RALGPS2: variants seen among roughly 807,000 people sequenced by gnomAD.
RALGPS2 encodes ras-specific guanine nucleotide-releasing factor RalGPS2.
RALGPS2 carries 43 observed loss-of-function variants against 86.8 expected under a neutral mutation model. The observed-to-expected ratio is 0.50, with a 90% CI of 0.39 to 0.64. The LOEUF (loss-of-function observed/expected upper bound fraction) is 0.64. RALGPS2 is among the 30% of genes least tolerant of loss of function. The pLI is 0.00. For missense variants in RALGPS2, 536 were observed against 694.6 expected (o/e 0.77, Z 2.57); for synonymous variants, 243 against 231.3 (o/e 1.05, Z -0.46).
intron 6 of RALGPS2, among the ~76,000 whole-genome samples, chr1:178,815,811 G>A (rs1655198401): frequency 6.6e-6 from 1 of 152,158 alleles, no homozygotes; most frequent in African/African-American, 2.4e-5. Context: ...TATAGATGAA[G>A]GCTGTTCTGG....
At chr1:178,789,733 G>T (rs1041665342) in intron 4 of RALGPS2, among the ~76,000 whole-genome samples, 1 of 152,150 alleles carries the variant, frequency 6.6e-6, no homozygotes, top group Non-Finnish European at 1.5e-5. Context: ...GTGAATACAG[G>T]TACTTGATTT....
At chr1:178,795,444 ACTCTGTTGCCC>A (rs1654145246) in intron 4 of RALGPS2, among the ~76,000 whole-genome samples, 1 of 151,992 alleles carries the variant, frequency 6.6e-6, no homozygotes, top group Admixed American at 6.6e-5. Flanking sequence ...ACAAAGTCTT[ACTCTGTTGCCC>A]AGGCTAGAGT....
At chr1:178,900,546 C>G (rs1336346112) in intron 17 of RALGPS2, among the ~76,000 whole-genome samples, 2 of 151,930 alleles carry the variant, frequency 1.3e-5, no homozygotes, top group Admixed American at 1.3e-4. Context: ...ATCTGAGAAT[C>G]TGTCCTACTG....
intron 6 of RALGPS2, among the ~76,000 whole-genome samples, chr1:178,812,123 T>A (rs192299261): frequency 1.1e-4 from 17 of 152,140 alleles, no homozygotes; most frequent in Non-Finnish European, 7.4e-5. Flanking sequence ...ATAGGAGTCA[T>A]ACAAAGTATA....
At chr1:178,727,581 G>A (rs973291999) in intron 1 of RALGPS2, among the ~76,000 whole-genome samples, 4 of 152,138 alleles carry the variant, frequency 2.6e-5, no homozygotes, top group African/African-American at 9.7e-5. Context: ...TGAAAAACTG[G>A]CTTTGTGAGT....
chr1:178,903,075 T>C (rs773067868), intron 18 of RALGPS2, among the ~76,000 whole-genome samples: 214 of 152,272 alleles, frequency 1.4e-3, no homozygotes, highest in Non-Finnish European at 2.9e-3. Flanking sequence ...TGGTTGCTTT[T>C]CTTCCATCAT....
chr1:178,891,143 C>A (rs574926795), intron 14 of RALGPS2, among the ~76,000 whole-genome samples: 2 of 152,054 alleles, frequency 1.3e-5, no homozygotes, highest in African/African-American at 4.8e-5. Context: ...GTTACCTTCA[C>A]GTCTCAAAAC....
At chr1:178,757,388 C>T (rs1380086978) in intron 1 of RALGPS2, among the ~76,000 whole-genome samples, 1 of 152,096 alleles carries the variant, frequency 6.6e-6, no homozygotes, top group Non-Finnish European at 1.5e-5. Context: ...AAGGGGAATA[C>T]TCTTAGCTTT....
chr1:178,728,600 A>G (rs1040653637), intron 1 of RALGPS2, among the ~76,000 whole-genome samples: 4 of 152,136 alleles, frequency 2.6e-5, no homozygotes, highest in Non-Finnish European at 4.4e-5. Context: ...TTTCAATGAA[A>G]GATAATTCAA....
chr1:178,725,470 T>A (rs929853662), intron 1 of RALGPS2, 51 bp downstream of exon 1: 1 of 18,060 alleles, frequency 5.5e-5, no homozygotes, highest in Non-Finnish European at 1.1e-4. Context: ...GGAGGGAGGG[T>A]GGGTACGCGG....
chr1:178,783,319 T>C (rs1653485000), intron 2 of RALGPS2, among the ~76,000 whole-genome samples: 1 of 150,046 alleles, frequency 6.7e-6, no homozygotes, highest in Non-Finnish European at 1.5e-5. Flanking sequence ...CAAACTGAAA[T>C]GCAAAGAGAA....
chr1:178,800,949 A>G (rs1434273581), intron 4 of RALGPS2, among the ~76,000 whole-genome samples: 2 of 150,754 alleles, frequency 1.3e-5, no homozygotes, highest in Non-Finnish European at 3.0e-5. Flanking sequence ...TTTTTGAGAC[A>G]GAAGTCTCGC....
intron 1 of RALGPS2, among the ~76,000 whole-genome samples, chr1:178,761,008 T>G (rs972852362): frequency 1.3e-5 from 2 of 150,734 alleles, no homozygotes; most frequent in Non-Finnish European, 2.9e-5. Context: ...AGAGTCTTGC[T>G]GTGTCACCCA....
chr1:178,793,164 C>T (rs1654040342), intron 4 of RALGPS2, among the ~76,000 whole-genome samples: 1 of 152,124 alleles, frequency 6.6e-6, no homozygotes, highest in African/African-American at 2.4e-5. Flanking sequence ...AGCCAGAAGA[C>T]TTGTATTTTT....
chr1:178,818,926 ATGT>A (rs1655360861), intron 6 of RALGPS2, among the ~76,000 whole-genome samples: 1 of 150,026 alleles, frequency 6.7e-6, no homozygotes, highest in Admixed American at 6.6e-5. Flanking sequence ...ATGGTTTCTC[ATGT>A]TGTTCTACAT....
chr1:178,870,266 T>C (rs534527920), intron 8 of RALGPS2, among the ~76,000 whole-genome samples: 2 of 152,276 alleles, frequency 1.3e-5, no homozygotes, highest in African/African-American at 4.8e-5. Flanking sequence ...TTTTTGTATC[T>C]TAGCTTTGTT....
intron 8 of RALGPS2, among the ~76,000 whole-genome samples, chr1:178,845,267 T>C (rs539985301): frequency 1.3e-5 from 2 of 152,256 alleles, no homozygotes; most frequent in South Asian, 2.1e-4. Flanking sequence ...GATCTAGATA[T>C]GACTCCTTTT....
chr1:178,789,718 A>G lies in RALGPS2; in HGVS notation c.213+4111A>G, dbSNP rs987939211. Among the ~76,000 whole-genome samples, 11 of 152,192 alleles carry G rather than the reference A, an allele frequency of 7.2e-5. No homozygotes were observed. The East Asian group carries it at 1.9e-3, about 27-fold the overall frequency. Reference sequence around the variant, plus strand: ...TTTAAAAGTGTGGGTGAGATTATCAAGAGAGTGAATACAGGTACTTGATTT... The same window carrying G: ...TTTAAAAGTGTGGGTGAGATTATCAGGAGAGTGAATACAGGTACTTGATTT... On this transcript the variant is annotated intron_variant, in intron 4 of 19. Coordinates refer to ENST00000367635, the MANE Select transcript of RALGPS2 (RefSeq NM_152663.5).
At chr1:178,868,692 G>A (rs1658565923) in intron 8 of RALGPS2, among the ~76,000 whole-genome samples, 1 of 151,986 alleles carries the variant, frequency 6.6e-6, no homozygotes, top group Non-Finnish European at 1.5e-5. Context: ...TTCCTTGTGT[G>A]TATTCTGCCT....
Sources: allele counts gnomAD v4.1 joint callset (sites outside exome capture counted in the v4.1 genomes callset), GRCh38; gene constraint gnomAD v4.1.1; transcripts MANE v1.5; gene names NCBI Gene and HGNC (gene_info 2026-07-23, HGNC 2026-07-21).